Variants in AGBL4 observed in about 807,000 individuals in gnomAD.
AGBL4 encodes AGBL carboxypeptidase 4, also known as cytosolic carboxypeptidase 6.
AGBL4 carries 58 observed loss-of-function variants against 66.4 expected under a neutral mutation model. The ratio of observed to expected loss-of-function variants is 0.87; its 90% CI spans 0.71 to 1.09. AGBL4 has a LOEUF of 1.09. Among genes scored for constraint, AGBL4 ranks in the 50% least tolerant of loss-of-function variants. The pLI, the probability that AGBL4 is intolerant of heterozygous loss-of-function variation, is 0.00. For synonymous variants in AGBL4, 234 were observed against 222.9 expected, an observed-to-expected ratio of 1.05 and a Z score of -0.44; for missense variants, 579 against 631.0, an observed-to-expected ratio of 0.92 and a Z score of 0.88.
At chr1:49,083,187 C>T (rs1644838191) in intron 4 of AGBL4, among the ~76,000 whole-genome samples, 1 of 152,190 alleles carries the variant, frequency 6.6e-6, no homozygotes, top group Non-Finnish European at 1.5e-5. Context: ...GGTGGATCTA[C>T]CATTCTGGGG....
chr1:49,609,595 G>A (rs1425633882), intron 3 of AGBL4, among the ~76,000 whole-genome samples: 1 of 152,096 alleles, frequency 6.6e-6, no homozygotes, highest in Non-Finnish European at 1.5e-5. Context: ...ATGATCTTAA[G>A]TAATTTTTTT....
At chr1:49,170,148 T>C (rs1365685176) in intron 4 of AGBL4, among the ~76,000 whole-genome samples, 3 of 148,730 alleles carry the variant, frequency 2.0e-5, no homozygotes, top group East Asian at 1.9e-4. Context: ...AAAAAGTATA[T>C]ATAAATTTAT....
At chr1:49,894,465 T>C (rs1648970755) in intron 1 of AGBL4, among the ~76,000 whole-genome samples, 1 of 152,166 alleles carries the variant, frequency 6.6e-6, no homozygotes, top group Non-Finnish European at 1.5e-5. Flanking sequence ...TACTCAAAGC[T>C]GTTTTGAGGA....
chr1:49,612,193 T>C (rs1320576365), intron 3 of AGBL4, among the ~76,000 whole-genome samples: 3 of 152,220 alleles, frequency 2.0e-5, no homozygotes, highest in Non-Finnish European at 4.4e-5. Context: ...TAACACTTGG[T>C]GGATGCTTGT....
intron 2 of AGBL4, among the ~76,000 whole-genome samples, chr1:49,729,617 G>A (rs551067492): frequency 3.9e-5 from 6 of 152,228 alleles, no homozygotes; most frequent in African/African-American, 1.4e-4. Flanking sequence ...GGGTTAGTGG[G>A]AGGGAAGGTG....
At position 49,261,010 on chromosome 1, in the gene AGBL4, C is replaced by T. The variant is rs953111145; in HGVS notation, c.283-15146G>A. On this transcript the variant is annotated intron_variant, in intron 3 of 13. Coordinates refer to ENST00000371839, the MANE Select transcript of AGBL4 (RefSeq NM_032785.4). ...GATGCAAGGCTGGTTCAATATATGC[C>T]AATCAATAAATGTAATCCAGCATAT... 5.3e-5 allele frequency among the ~76,000 whole-genome samples: 8 copies of T among 151,660 alleles called. No homozygotes were observed. In the South Asian group the frequency reaches 1.3e-3, roughly 24 times the overall value.
chr1:49,864,805 G>A (rs1020215076), intron 1 of AGBL4, among the ~76,000 whole-genome samples: 9 of 152,118 alleles, frequency 5.9e-5, no homozygotes, highest in African/African-American at 2.2e-4. Context: ...ACATCACTGC[G>A]GCTGCCTGCT....
chr1:49,196,977 G>A (rs888916257), intron 4 of AGBL4, among the ~76,000 whole-genome samples: 14 of 152,084 alleles, frequency 9.2e-5, no homozygotes, highest in East Asian at 1.9e-4. Flanking sequence ...ACAAGCACAC[G>A]TCACCATGCC....
chr1:49,258,742 A>C (rs1345201537), intron 3 of AGBL4, among the ~76,000 whole-genome samples: 3 of 152,254 alleles, frequency 2.0e-5, no homozygotes, highest in African/African-American at 7.2e-5. Flanking sequence ...GCAGGATATT[A>C]TCCAGGAGAA....
intron 3 of AGBL4, among the ~76,000 whole-genome samples, chr1:49,499,359 C>T (rs1647908623): frequency 6.6e-6 from 1 of 151,570 alleles, no homozygotes; most frequent in African/African-American, 2.4e-5. Context: ...AAATAAAATC[C>T]TTTTATTATT....
intron 1 of AGBL4, among the ~76,000 whole-genome samples, chr1:49,949,090 GA>G (rs1655828494): frequency 6.6e-6 from 1 of 151,310 alleles, no homozygotes. Context: ...ATAAAGTGGG[GA>G]AAGGACACCC....
intron 4 of AGBL4, among the ~76,000 whole-genome samples, chr1:49,063,084 C>T (rs1644431264): frequency 1.3e-5 from 2 of 152,048 alleles, no homozygotes; most frequent in South Asian, 2.1e-4. Flanking sequence ...CTACCAGCCT[C>T]CTGAAATTTG....
At chr1:49,834,983 T>C (rs537896919) in intron 2 of AGBL4, among the ~76,000 whole-genome samples, 30 of 152,340 alleles carry the variant, frequency 2.0e-4, no homozygotes, top group African/African-American at 7.2e-4. Context: ...AGGAATGTTT[T>C]ACTTCCAATT....
chr1:49,085,917 A>C (rs1407779914), intron 4 of AGBL4, among the ~76,000 whole-genome samples: 1 of 152,150 alleles, frequency 6.6e-6, no homozygotes, highest in Non-Finnish European at 1.5e-5. Context: ...TTTGGGCCCC[A>C]GAGCAGATCA....
At chr1:48,987,627 C>T (rs1047509387) in intron 5 of AGBL4, among the ~76,000 whole-genome samples, 19 of 152,090 alleles carry the variant, frequency 1.2e-4, no homozygotes, top group Non-Finnish European at 1.5e-4. Flanking sequence ...AGGATATAGA[C>T]GATTTGAACA....
At chr1:49,309,907 T>G (rs1644914740) in intron 3 of AGBL4, among the ~76,000 whole-genome samples, 1 of 152,078 alleles carries the variant, frequency 6.6e-6, no homozygotes, top group Non-Finnish European at 1.5e-5. Context: ...TGTTATTTTT[T>G]AAAATGTAGA....
chr1:48,977,119 A>G (rs1659398560), intron 5 of AGBL4, among the ~76,000 whole-genome samples: 2 of 152,108 alleles, frequency 1.3e-5, no homozygotes, highest in African/African-American at 4.8e-5. Context: ...GATAGTATAT[A>G]GGAAGTATAA....
chr1:48,688,311 C>A (rs553542464), intron 6 of AGBL4, among the ~76,000 whole-genome samples: 1 of 152,306 alleles, frequency 6.6e-6, no homozygotes, highest in Admixed American at 6.5e-5. Context: ...ACCTAGAGCT[C>A]TCTCTATTCT....
At chr1:49,387,739 A>T (rs1387473527) in intron 3 of AGBL4, among the ~76,000 whole-genome samples, 1 of 152,050 alleles carries the variant, frequency 6.6e-6, no homozygotes, top group Non-Finnish European at 1.5e-5. Flanking sequence ...ATATTGATGC[A>T]TTTATAATGC....
Sources: allele counts gnomAD v4.1 joint callset (sites outside exome capture counted in the v4.1 genomes callset), GRCh38; gene constraint gnomAD v4.1.1; transcripts MANE v1.5; gene names NCBI Gene and HGNC (gene_info 2026-07-23, HGNC 2026-07-21).